Variants in DIAPH3 observed in about 807,000 individuals in gnomAD.
DIAPH3 encodes the protein protein diaphanous homolog 3.
DIAPH3 carries 117 observed loss-of-function variants against 144.3 expected under a neutral mutation model. That is an observed-to-expected ratio of 0.81 (90% CI 0.70 to 0.95). The LOEUF (loss-of-function observed/expected upper bound fraction) is 0.95, where lower values mean the gene tolerates loss of function less well. Ranked by LOEUF, DIAPH3 falls within the 40% of genes least tolerant of loss-of-function variation. DIAPH3 has a pLI of 0.00. For missense variants in DIAPH3, 1,421 were observed against 1,412.7 expected (o/e 1.01, Z -0.09); for synonymous variants, 519 against 488.9 (o/e 1.06, Z -0.81).
At chr13:60,020,047 T>C (rs1170978309) in intron 5 of DIAPH3, among the ~76,000 whole-genome samples, 2 of 152,204 alleles carry the variant, frequency 1.3e-5, no homozygotes, top group Non-Finnish European at 2.9e-5. Flanking sequence ...TACCAGATCA[T>C]AAGAGCAATC....
At chr13:59,785,662 T>G (rs2038997080) in intron 25 of DIAPH3, among the ~76,000 whole-genome samples, 1 of 152,254 alleles carries the variant, frequency 6.6e-6, no homozygotes, top group African/African-American at 2.4e-5. Context: ...TATTGCTGAT[T>G]AGTCAATGCA....
chr13:59,974,067 A>G (rs1400172707), intron 15 of DIAPH3, among the ~76,000 whole-genome samples: 1 of 152,164 alleles, frequency 6.6e-6, no homozygotes, highest in Non-Finnish European at 1.5e-5. Context: ...CAAATCTGAG[A>G]GTAAAAGATT....
intron 18 of DIAPH3, among the ~76,000 whole-genome samples, chr13:59,921,217 A>G (rs1271255376): frequency 6.6e-6 from 1 of 151,066 alleles, no homozygotes; most frequent in East Asian, 1.9e-4. Flanking sequence ...AATTAGTAGA[A>G]GCAAGAAAAT....
At chr13:59,950,668 G>A (rs1384400994) in intron 17 of DIAPH3, among the ~76,000 whole-genome samples, 1 of 152,096 alleles carries the variant, frequency 6.6e-6, no homozygotes, top group Non-Finnish European at 1.5e-5. Context: ...GGTGGGCAAA[G>A]TGAAGCTATC....
chr13:59,688,162 A>C (rs6562055), intron 27 of DIAPH3, among the ~76,000 whole-genome samples: 111,498 of 151,918 alleles, frequency 0.73, 41,164 homozygotes, highest in East Asian at 0.88. Flanking sequence ...AGGAAGCCAT[A>C]GAAATTGTGG....
At chr13:59,877,476 C>T (rs989768148) in intron 21 of DIAPH3, among the ~76,000 whole-genome samples, 1 of 152,096 alleles carries the variant, frequency 6.6e-6, no homozygotes, top group Admixed American at 6.6e-5. Context: ...ATATATGCTG[C>T]CAACGGGTAT....
intron 5 of DIAPH3, among the ~76,000 whole-genome samples, chr13:60,033,328 C>G (rs1400029931): frequency 6.6e-6 from 1 of 152,160 alleles, no homozygotes; most frequent in Non-Finnish European, 1.5e-5. Flanking sequence ...GCAAATGCCC[C>G]ACTCTTTTTT....
At chr13:59,745,587 T>C (rs1431597509) in intron 27 of DIAPH3, among the ~76,000 whole-genome samples, 1 of 152,182 alleles carries the variant, frequency 6.6e-6, no homozygotes, top group Non-Finnish European at 1.5e-5. Context: ...GAGGTAAGGC[T>C]GCACATACAA....
intron 3 of DIAPH3, among the ~76,000 whole-genome samples, chr13:60,102,323 C>T (rs891514156): frequency 1.3e-5 from 2 of 152,208 alleles, no homozygotes; most frequent in African/African-American, 4.8e-5. Flanking sequence ...TCCCTCAACT[C>T]TGGCTCTTTA....
At chr13:59,891,719 C>CGTGG (rs1263975763) in intron 20 of DIAPH3, among the ~76,000 whole-genome samples, 4 of 151,946 alleles carry the variant, frequency 2.6e-5, no homozygotes, top group Non-Finnish European at 4.4e-5. Flanking sequence ...CTAAAAGCAA[C>CGTGG]TTTAAGTACA....
intron 25 of DIAPH3, among the ~76,000 whole-genome samples, chr13:59,788,854 TA>T (rs2039178041): frequency 1.3e-5 from 2 of 152,202 alleles, no homozygotes; most frequent in South Asian, 4.1e-4. Context: ...TCCAGCAGCT[TA>T]GCAATTATTC....
At chr13:59,911,899 A>C in intron 19 of DIAPH3, 63 bp from the exon 20 acceptor site, 1 of 1,244,068 alleles carries the variant, frequency 8.0e-7, no homozygotes, top group Non-Finnish European at 1.2e-6. Flanking sequence ...TTAAAAATAT[A>C]ATTTAAAAAC....
intron 24 of DIAPH3, among the ~76,000 whole-genome samples, chr13:59,813,425 T>C (rs977251182): frequency 3.3e-5 from 5 of 152,104 alleles, no homozygotes; most frequent in African/African-American, 1.2e-4. Flanking sequence ...AGTACTTGTT[T>C]ACTGTAATAA....
intron 17 of DIAPH3, among the ~76,000 whole-genome samples, chr13:59,940,403 T>C (rs2048470585): frequency 1.3e-5 from 2 of 152,282 alleles, no homozygotes; most frequent in Admixed American, 1.3e-4. Flanking sequence ...AAGTAAAAGT[T>C]TTTGTTCAAA....
chr13:59,793,183 T>C (rs2039415005), intron 25 of DIAPH3, among the ~76,000 whole-genome samples: 1 of 152,190 alleles, frequency 6.6e-6, no homozygotes, highest in Non-Finnish European at 1.5e-5. Flanking sequence ...TCTATCACAA[T>C]GGCAGAGCAT....
intron 1 of DIAPH3, among the ~76,000 whole-genome samples, chr13:60,160,386 CCTT>C (rs1319019621): frequency 8.5e-5 from 13 of 152,198 alleles, no homozygotes; most frequent in African/African-American, 3.1e-4. Flanking sequence ...AAAAAGAACT[CCTT>C]CATCAACTTG....
At chr13:59,792,514 C>G (rs150521090) in intron 25 of DIAPH3, among the ~76,000 whole-genome samples, 1 of 152,316 alleles carries the variant, frequency 6.6e-6, no homozygotes, top group East Asian at 1.9e-4. Context: ...CTCCTCCTCT[C>G]CAGGGAGCAA....
chr13:59,673,736 T>C (rs2032498029), intron 27 of DIAPH3, among the ~76,000 whole-genome samples: 1 of 152,144 alleles, frequency 6.6e-6, no homozygotes, highest in Non-Finnish European at 1.5e-5. Context: ...ATTCAACTAA[T>C]TGTGCCTAAG....
chr13:59,962,533 G>T (rs1160413432), intron 17 of DIAPH3, among the ~76,000 whole-genome samples: 1 of 152,116 alleles, frequency 6.6e-6, no homozygotes, highest in Non-Finnish European at 1.5e-5. Flanking sequence ...CTCCTGGGCA[G>T]CCCCCAGCCA....
Sources: allele counts gnomAD v4.1 joint callset (sites outside exome capture counted in the v4.1 genomes callset), GRCh38; gene constraint gnomAD v4.1.1; transcripts MANE v1.5; gene names NCBI Gene and HGNC (gene_info 2026-07-23, HGNC 2026-07-21).